SNX29: variants seen among roughly 807,000 people sequenced by gnomAD.
SNX29 encodes the protein sorting nexin 29, also known as sorting nexin-29.
SNX29 carries 78 observed loss-of-function variants against 102.1 expected under a neutral mutation model. The ratio of observed to expected loss-of-function variants is 0.76; its 90% confidence interval spans 0.64 to 0.92. The LOEUF (loss-of-function observed/expected upper bound fraction) is 0.92, where lower values mean the gene tolerates loss of function less well. Among genes scored for constraint, SNX29 ranks in the 40% least tolerant of loss-of-function variants. The pLI, the probability that SNX29 is intolerant of heterozygous loss-of-function variation, is 0.00. For missense variants in SNX29, 1,280 were observed against 1,061.7 expected, an observed-to-expected ratio of 1.21 and a Z score of -2.86; for synonymous variants, 580 against 414.5, an observed-to-expected ratio of 1.40 and a Z score of -4.85.
intron 11 of SNX29, among the ~76,000 whole-genome samples, chr16:12,091,105 C>G (rs1275202480): frequency 6.6e-6 from 1 of 151,138 alleles, no homozygotes; most frequent in African/African-American, 2.4e-5. Flanking sequence ...TTCATTTTAC[C>G]TACCATAAAC....
chr16:12,559,707 C>T (rs1169359389), intron 20 of SNX29, among the ~76,000 whole-genome samples: 1 of 152,136 alleles, frequency 6.6e-6, no homozygotes, highest in Non-Finnish European at 1.5e-5. Context: ...TCCCATCTCC[C>T]ATGGTGAGAA....
At chr16:12,102,757 G>T (rs575465071) in intron 11 of SNX29, among the ~76,000 whole-genome samples, 255 of 152,360 alleles carry the variant, frequency 1.7e-3, no homozygotes, top group Middle Eastern at 3.4e-3. Flanking sequence ...GATAGGAAGA[G>T]TAGAAGTCAA....
rs569964523 is a variant in SNX29 at position 12,010,896 on chromosome 16, A to C, written c.122+7853A>C. ...GTCACGTGTATCCCCCAGAGGACTT[A>C]CGAAACGGAATGGCTTTTTCAGGCT... On this transcript the variant is annotated intron_variant, in intron 3 of 20. Transcript: ENST00000566228. Among the ~76,000 whole-genome samples, 3 of 152,292 alleles carry C rather than the reference A, an allele frequency of 2.0e-5. No homozygotes were observed. The South Asian group carries it at 6.2e-4, about 32-fold the overall frequency.
At chr16:11,977,383 C>T (rs1356003825) in intron 1 of SNX29, 2 of 153,040 alleles carry the variant, frequency 1.3e-5, no homozygotes, top group South Asian at 2.1e-4. Flanking sequence ...TCCCTCCCAC[C>T]CCTGTTCCCA....
intron 14 of SNX29, among the ~76,000 whole-genome samples, chr16:12,257,029 A>G (rs2078594420): frequency 1.3e-5 from 2 of 152,202 alleles, no homozygotes; most frequent in South Asian, 4.1e-4. Flanking sequence ...AATGGGCTGA[A>G]TGAGGTGGTG....
chr16:11,978,642 C>T lies in SNX29; in HGVS notation c.7+1829C>T, dbSNP rs374358762. On this transcript the variant is annotated intron_variant, in intron 1 of 20. Coordinates refer to ENST00000566228, the MANE Select transcript of SNX29 (RefSeq NM_032167.5). ...ACTAGGCACTGTCTGAAAATCTTTTCCTTTTACTATGACCAAGGAGTCTTT... is the reference window on the plus strand; with the variant it reads ...ACTAGGCACTGTCTGAAAATCTTTTTCTTTTACTATGACCAAGGAGTCTTT... Among the ~76,000 whole-genome samples the T allele has an allele frequency of 1.6e-4, 24 of 149,162 alleles. No individual in the cohort carries two copies. The East Asian group carries it at 4.7e-3, about 29-fold the overall frequency.
intron 11 of SNX29, among the ~76,000 whole-genome samples, chr16:12,109,664 C>T (rs1278176262): frequency 6.6e-6 from 1 of 152,198 alleles, no homozygotes; most frequent in East Asian, 1.9e-4. Flanking sequence ...AGGGGATGCC[C>T]AGCCGTGCAG....
At chr16:12,551,902 A>AT (rs1327210402) in intron 20 of SNX29, among the ~76,000 whole-genome samples, 2 of 152,112 alleles carry the variant, frequency 1.3e-5, no homozygotes, top group Non-Finnish European at 2.9e-5. Flanking sequence ...TAAGGTAGGG[A>AT]TCTCTATACC....
At chr16:12,205,288 T>C (rs1469010107) in intron 14 of SNX29, among the ~76,000 whole-genome samples, 1 of 152,210 alleles carries the variant, frequency 6.6e-6, no homozygotes, top group Non-Finnish European at 1.5e-5. Flanking sequence ...TTTGAGGCAG[T>C]CTTCGGTTGC....
chr16:12,539,998 T>A (rs9927919), intron 20 of SNX29, among the ~76,000 whole-genome samples: 1 of 152,052 alleles, frequency 6.6e-6, no homozygotes, highest in Non-Finnish European at 1.5e-5. Context: ...CAGCTTCTTT[T>A]CAGTGTCTTT....
At chr16:12,504,223 C>T (rs964396998) in intron 19 of SNX29, among the ~76,000 whole-genome samples, 7 of 152,140 alleles carry the variant, frequency 4.6e-5, no homozygotes, top group African/African-American at 9.7e-5. Flanking sequence ...TAGCACATAA[C>T]GGAACTTCAT....
chr16:12,453,206 T>C (rs973287739), intron 18 of SNX29, among the ~76,000 whole-genome samples: 1 of 152,212 alleles, frequency 6.6e-6, no homozygotes, highest in Non-Finnish European at 1.5e-5. Context: ...CACCTGGCCC[T>C]ATTCACCTGT....
At chr16:11,993,897 G>C (rs1462441046) in intron 1 of SNX29, among the ~76,000 whole-genome samples, 1 of 152,236 alleles carries the variant, frequency 6.6e-6, no homozygotes, top group Non-Finnish European at 1.5e-5. Flanking sequence ...AAGGCAGGCA[G>C]ATCACCTGAG....
At chr16:11,996,817 A>G (rs1596551181) in intron 1 of SNX29, among the ~76,000 whole-genome samples, 1 of 152,346 alleles carries the variant, frequency 6.6e-6, no homozygotes, top group East Asian at 1.9e-4. Flanking sequence ...CCTTGGCCAG[A>G]TGGGTCTATA....
chr16:12,370,464 G>A (rs965078995), intron 16 of SNX29, among the ~76,000 whole-genome samples: 1 of 152,210 alleles, frequency 6.6e-6, no homozygotes, highest in Non-Finnish European at 1.5e-5. Context: ...GGAGGGTGAG[G>A]CAGGATAATT....
At chr16:12,182,938 A>C (rs888963295) in intron 13 of SNX29, among the ~76,000 whole-genome samples, 1 of 150,848 alleles carries the variant, frequency 6.6e-6, no homozygotes, top group Admixed American at 6.6e-5. Flanking sequence ...TGTCTCAAAA[A>C]AAAAAAAAAA....
chr16:12,531,801 C>G (rs145682586), intron 20 of SNX29, among the ~76,000 whole-genome samples: 9 of 152,262 alleles, frequency 5.9e-5, no homozygotes, highest in African/African-American at 1.9e-4. Context: ...CAGAGCCAGG[C>G]GAGGGCAGAG....
At chr16:12,115,343 C>T (rs1057496807) in intron 11 of SNX29, among the ~76,000 whole-genome samples, 1 of 152,086 alleles carries the variant, frequency 6.6e-6, no homozygotes, top group African/African-American at 2.4e-5. Context: ...ACTCATGCAG[C>T]TTTGAGAGCC....
intron 11 of SNX29, among the ~76,000 whole-genome samples, chr16:12,083,832 C>G (rs151016118): frequency 2.6e-5 from 4 of 152,332 alleles, no homozygotes; most frequent in East Asian, 3.9e-4. Context: ...ACTCACATCC[C>G]GCCAAGTGGC....
Sources: gnomAD v4.1 joint callset for allele counts (sites outside exome capture counted in the v4.1 genomes callset) on GRCh38, gnomAD v4.1.1 for gene constraint, MANE v1.5 for transcripts, NCBI Gene and HGNC (gene_info 2026-07-23, HGNC 2026-07-21) for gene names.